OGFOD3: variants seen among roughly 807,000 people sequenced by gnomAD.
The protein encoded by OGFOD3 is 2-oxoglutarate and iron-dependent oxygenase domain-containing protein 3.
OGFOD3 carries 35 observed loss-of-function variants against 39.8 expected under a neutral mutation model. The observed-to-expected ratio is 0.88, with a 90% confidence interval of 0.67 to 1.17. OGFOD3 has a LOEUF of 1.17. OGFOD3 is among the 50% of genes most tolerant of loss of function. The probability of loss-of-function intolerance (pLI) is 0.00; values close to 1 mark genes in which losing one functional copy is unlikely to be tolerated. For synonymous variants in OGFOD3, 200 were observed against 192.0 expected (o/e 1.04, Z -0.34); for missense variants, 438 against 454.5 (o/e 0.96, Z 0.33).
rs766143579 is a variant in OGFOD3 at position 82,415,426 on chromosome 17, C to T, written c.276G>A (p.Glu92=). 6.2e-7 allele frequency: 1 copy of T among 1,614,030 alleles called. No individual in the cohort carries two copies. Among genetic ancestry groups the T allele is most frequent in the Admixed American group, 1.7e-5 (1 of 60,014 alleles). The change falls in exon 2 of 9, where the codon GAG becomes GAA. Residue 92 remains glutamate, a synonymous_variant. Transcript: ENST00000313056. The surrounding 1 kb of genome is among the most constrained non-coding windows in gnomAD (Gnocchi z 5.3). ...CGAACCTGCGGTGACTGTCGTAGTC[C>T]TCAGAGCAGGGCACCTCGATGAATC... ...AGRFIEVPCS[E]DYDSHRRFEG...
intron 4 of OGFOD3, among the ~76,000 whole-genome samples, chr17:82,408,386 A>G (rs2052889009): frequency 6.6e-6 from 1 of 152,208 alleles, no homozygotes; most frequent in Non-Finnish European, 1.5e-5. Flanking sequence ...GCAAGAAAAC[A>G]ACCCTGAGGA....
At position 82,395,945 on chromosome 17, in the gene OGFOD3, AAC is replaced by A. The variant is rs111239861; in HGVS notation, c.823+2249_823+2250del. ...TTAGATGTATGACATCAATCACGTAAACACACAGATACACACAATTAGACAGA... is the reference window on the plus strand; with the variant it reads ...TTAGATGTATGACATCAATCACGTAAACACAGATACACACAATTAGACAGA... On this transcript the variant is annotated intron_variant, in intron 8 of 8. Coordinates refer to ENST00000313056, the MANE Select transcript of OGFOD3 (RefSeq NM_024648.3). Among the ~76,000 whole-genome samples, 445 of 152,372 alleles carry A rather than the reference AAC, an allele frequency of 2.9e-3. 2 individuals are homozygous for A. The highest frequency in any genetic ancestry group is 0.01 in the African/African-American group (424 of 41,592).
rs1236793403 is a variant in OGFOD3, at chr17:82,406,446, C to A, written c.460G>T (p.Val154Phe). Reference protein sequence around the residue: ...ILDLHSGALSVGKHFVNLYRY... With the variant: ...ILDLHSGALSFGKHFVNLYRY... Reference sequence around the variant, plus strand: ...TACAGGTTCACAAAGTGCTTCCCGACAGACAGGGCCCCTGAGTGCAAGTCC... The same window carrying A: ...TACAGGTTCACAAAGTGCTTCCCGAAAGACAGGGCCCCTGAGTGCAAGTCC... The change falls in exon 5 of 9, where the codon GTC (valine) becomes TTC (phenylalanine). Residue 154 changes from valine (V) to phenylalanine (F), a missense_variant. Transcript: ENST00000313056. This position sits in a 1 kb window ranked among gnomAD's most constrained non-coding sequence, Gnocchi z 5.2. 3.1e-6 allele frequency: 5 copies of A among 1,614,160 alleles called. No homozygotes were observed. Among genetic ancestry groups the A allele is most frequent in the Middle Eastern group, 1.6e-4 (1 of 6,062 alleles).
Position 82,404,105 on chromosome 17 carries a change from A to G in OGFOD3, c.546-15T>C, listed in dbSNP as rs2052813921. 3.2e-6 allele frequency: 5 copies of G among 1,569,592 alleles called. No homozygotes were observed. Among genetic ancestry groups the G allele is most frequent in the East Asian group, 4.6e-5 (2 of 43,938 alleles). On this transcript the variant is annotated splice_polypyrimidine_tract_variant and intron_variant, in intron 6 of 8. Coordinates refer to ENST00000313056, the MANE Select transcript of OGFOD3 (RefSeq NM_024648.3). This position sits in a 1 kb window ranked among gnomAD's most constrained non-coding sequence, Gnocchi z 4.5. ...GCCGCACCTCCCTGCAGAGGACACA[A>G]TAGCCGTCAGCGCAGCCCCAGGCGG...
intron 4 of OGFOD3, among the ~76,000 whole-genome samples, chr17:82,407,423 A>G (rs1002421058): frequency 1.3e-5 from 2 of 152,200 alleles, no homozygotes; most frequent in African/African-American, 4.8e-5. Context: ...ACTTCTCTCG[A>G]GTAAATGCCT....
At chr17:82,417,280 G>A (rs566422721) in intron 1 of OGFOD3, 3 of 152,272 alleles carry the variant, frequency 2.0e-5, no homozygotes, top group Non-Finnish European at 4.4e-5. Context: ...TGTCACCAAC[G>A]TTGGTATACA....
intron 2 of OGFOD3, chr17:82,411,798 C>T: frequency 4.1e-6 from 2 of 488,590 alleles, no homozygotes; most frequent in South Asian, 4.6e-5. Context: ...TCACAGAAAC[C>T]CCAGACACGG....
chr17:82,398,383 G>A, intron 7 of OGFOD3, 64 bp from the exon 8 acceptor site: 3 of 1,586,174 alleles, frequency 1.9e-6, no homozygotes, highest in Non-Finnish European at 2.6e-6. Context: ...GGCAGGTGCT[G>A]CTTCTCTCTC....
intron 7 of OGFOD3, among the ~76,000 whole-genome samples, chr17:82,402,621 C>T (rs749684949): frequency 6.6e-6 from 1 of 152,026 alleles, no homozygotes; most frequent in Non-Finnish European, 1.5e-5. Context: ...GTGGCATGTG[C>T]CTGTAATCCC....
intron 2 of OGFOD3, among the ~76,000 whole-genome samples, chr17:82,413,571 T>G (rs566189157): frequency 6.6e-6 from 1 of 152,022 alleles, no homozygotes; most frequent in Non-Finnish European, 1.5e-5. Context: ...TAAAAAACAA[T>G]AATAATAAAA....
chr17:82,402,508 A>G (rs1046335956), intron 7 of OGFOD3, among the ~76,000 whole-genome samples: 2 of 152,132 alleles, frequency 1.3e-5, no homozygotes, highest in African/African-American at 2.4e-5. Flanking sequence ...GCACTTTGGG[A>G]GGCCAAGGTG....
chr17:82,398,439 A>G (rs6502107), intron 7 of OGFOD3, 120 bp from the exon 8 acceptor site: 1,198,759 of 1,219,248 alleles, frequency 0.98, 589,368 homozygotes, highest in East Asian at 1. Context: ...TTGCTCCATC[A>G]CCCAGGCTGG....
intron 7 of OGFOD3, 55 bp downstream of exon 7, chr17:82,403,882 C>CG (rs2052807810): frequency 6.5e-7 from 1 of 1,546,360 alleles, no homozygotes; most frequent in East Asian, 2.3e-5. Context: ...ACCGTGCCCA[C>CG]GGGCACGCTC....
rs1191720242 is a variant in OGFOD3 at position 82,392,558 on chromosome 17, G to A, written c.824-24C>T. 1 of 1,568,468 alleles carries A rather than the reference G, an allele frequency of 6.4e-7. No individual in the cohort carries two copies. On this transcript the variant is annotated intron_variant, in intron 8 of 8. Coordinates refer to ENST00000313056, the MANE Select transcript of OGFOD3 (RefSeq NM_024648.3). This position sits in a 1 kb window ranked among gnomAD's most constrained non-coding sequence, Gnocchi z 4.2. ...ACCTGGGAGAGGAGAAGAGAGAGAGGTGGCCATAGAGCCACACCCACGGCC... is the reference window on the plus strand; with the variant it reads ...ACCTGGGAGAGGAGAAGAGAGAGAGATGGCCATAGAGCCACACCCACGGCC...
At chr17:82,412,899 C>T (rs2052974332) in intron 2 of OGFOD3, among the ~76,000 whole-genome samples, 3 of 152,166 alleles carry the variant, frequency 2.0e-5, no homozygotes, top group African/African-American at 7.2e-5. Context: ...CGTGGAGCAT[C>T]CCTCCCGGGA....
intron 7 of OGFOD3, among the ~76,000 whole-genome samples, chr17:82,402,065 C>T (rs1457242420): frequency 6.6e-6 from 1 of 152,090 alleles, no homozygotes; most frequent in Non-Finnish European, 1.5e-5. Context: ...AGCTTCTACA[C>T]CATAAAAATC....
At position 82,403,886 on chromosome 17, in the gene OGFOD3, C is replaced by T. The variant is rs553166307; in HGVS notation, c.699+51G>A. 9.8e-5 allele frequency: 152 copies of T among 1,551,412 alleles called. 2 individuals are homozygous for T. The East Asian group carries it at 3.2e-3, about 33-fold the overall frequency. On this transcript the variant is annotated intron_variant, in intron 7 of 8. Coordinates refer to ENST00000313056, the MANE Select transcript of OGFOD3 (RefSeq NM_024648.3). The stretch of plus-strand genomic sequence containing the variant: ...CGTGCGCACTCACCGTGCCCACGGG[C>T]ACGCTCACCTTGTCCACGGGCACGC...
chr17:82,407,871 G>A (rs546286766), intron 4 of OGFOD3, among the ~76,000 whole-genome samples: 138 of 152,328 alleles, frequency 9.1e-4, no homozygotes, highest in African/African-American at 3.2e-3. Context: ...GGCCGGGCAC[G>A]GTGGTTCACA....
intron 1 of OGFOD3, among the ~76,000 whole-genome samples, chr17:82,417,549 G>GCAGA (rs2053082493): frequency 6.7e-6 from 1 of 150,070 alleles, no homozygotes; most frequent in Non-Finnish European, 1.5e-5. Context: ...AACCCGGGAG[G>GCAGA]CAGAGGTTGC....
Sources: gnomAD v4.1 joint callset for allele counts (sites outside exome capture counted in the v4.1 genomes callset) on GRCh38, gnomAD v4.1.1 for gene constraint, Gnocchi (gnomAD v3.1) non-coding constraint, MANE v1.5 for transcripts, NCBI Gene and HGNC (gene_info 2026-07-23, HGNC 2026-07-21) for gene names.